Variants in TVP23C observed in about 807,000 individuals in gnomAD.
TVP23C encodes Golgi apparatus membrane protein TVP23 homolog C.
A neutral mutation model predicts 28.7 loss-of-function variants in TVP23C; 19 were observed. The ratio of observed to expected loss-of-function variants is 0.66; its 90% confidence interval spans 0.46 to 0.97. TVP23C has a LOEUF of 0.97. Among genes scored for constraint, TVP23C ranks in the 50% least tolerant of loss-of-function variants. The probability of loss-of-function intolerance (pLI) is 0.00; values close to 1 mark genes in which losing one functional copy is unlikely to be tolerated. For synonymous variants in TVP23C, 68 were observed against 81.7 expected (o/e 0.83, Z 0.90); for missense variants, 186 against 241.3 (o/e 0.77, Z 1.52).
chr17:15,531,506 C>T (rs56218912), intron 5 of TVP23C, among the ~76,000 whole-genome samples: 1 of 151,642 alleles, frequency 6.6e-6, no homozygotes, highest in Admixed American at 6.6e-5. Flanking sequence ...TTCTGTTCCT[C>T]GGACTGGATA....
intron 5 of TVP23C, among the ~76,000 whole-genome samples, chr17:15,509,676 A>T (rs1315025281): frequency 1.3e-5 from 2 of 152,196 alleles, no homozygotes; most frequent in Non-Finnish European, 2.9e-5. Flanking sequence ...GCAGTGAGCC[A>T]TGATTGTGCC....
At chr17:15,510,815 T>C (rs1043752774) in intron 5 of TVP23C, among the ~76,000 whole-genome samples, 8 of 151,720 alleles carry the variant, frequency 5.3e-5, no homozygotes, top group Admixed American at 2.0e-4. Context: ...TCCCAGCACG[T>C]TGGGAGGCCG....
At chr17:15,536,447 AC>A (rs1173438287), downstream of TVP23C, among the ~76,000 whole-genome samples, 1 of 152,218 alleles carries the variant, frequency 6.6e-6, no homozygotes, top group Non-Finnish European at 1.5e-5. Flanking sequence ...ACACCAAGAT[AC>A]AGCAATAAAA....
downstream of TVP23C, among the ~76,000 whole-genome samples, chr17:15,533,115 T>C (rs1184601859): frequency 6.6e-6 from 1 of 152,212 alleles, no homozygotes; most frequent in Non-Finnish European, 1.5e-5. Context: ...TCAGAAATAT[T>C]TTTAAACATG....
rs562869775 is a variant in TVP23C at position 15,538,297 on chromosome 17, G to C, written c.*2115C>G. ...TACAATGGCCCAATCACATTAAAAAGTAGACATGCTAGGCTGGGCGCCGTG... is the reference window on the plus strand; with the variant it reads ...TACAATGGCCCAATCACATTAAAAACTAGACATGCTAGGCTGGGCGCCGTG... On this transcript the variant is annotated 3_prime_UTR_variant, in exon 6 of 6. Transcript: ENST00000518321. 3 of 1,457,290 alleles carry C rather than the reference G, an allele frequency of 2.1e-6. No individual in the cohort carries two copies. Among genetic ancestry groups the C allele is most frequent in the South Asian group, 3.0e-5 (2 of 66,864 alleles). The allele number at this position is 1,457,290 out of a possible 1,614,324, so 90.3% of individuals were successfully genotyped here. A position where few individuals can be genotyped will look rare whatever the true frequency, so the allele number is the denominator to read the frequency against.
At chr17:15,556,318 T>G (rs923855236) in intron 1 of TVP23C, among the ~76,000 whole-genome samples, 2 of 151,782 alleles carry the variant, frequency 1.3e-5, no homozygotes, top group Non-Finnish European at 2.9e-5. Context: ...GAATCTCCTC[T>G]TCAATCCTCT....
chr17:15,538,802 G>C lies in TVP23C; in HGVS notation c.*1610C>G. On this transcript the variant is annotated 3_prime_UTR_variant, in exon 6 of 6. Transcript: ENST00000518321. ...CTTCAGAAACACTGAAAATTCTAAC[G>C]AAAAAAACCTAATAAGCACATACAT... 3 of 985,044 alleles carry C rather than the reference G, an allele frequency of 3.0e-6. No homozygotes were observed. Among genetic ancestry groups the C allele is most frequent in the Non-Finnish European group, 2.4e-6 (2 of 829,838 alleles). The allele number at this position is 985,044 out of a possible 1,614,324, so 61.0% of individuals were successfully genotyped here.
chr17:15,552,433 G>A lies in TVP23C; in HGVS notation c.240+1252C>T, dbSNP rs181593364. Among the ~76,000 whole-genome samples, 14 of 152,328 alleles carry A rather than the reference G, an allele frequency of 9.2e-5. No individual in the cohort carries two copies. In the East Asian group the frequency reaches 2.7e-3, roughly 29 times the overall value. ...GCAGTGGCTCACGCCTGTAATCCCAGCACTTTGGGAGGCTGAGGCGGGCAG... is the reference window on the plus strand; with the variant it reads ...GCAGTGGCTCACGCCTGTAATCCCAACACTTTGGGAGGCTGAGGCGGGCAG... On this transcript the variant is annotated intron_variant, in intron 3 of 5. Coordinates refer to ENST00000518321, the MANE Select transcript of TVP23C (RefSeq NM_001135036.2).
In TVP23C at chr17:15,556,285, AT is replaced by A. The variant is rs534410981; in HGVS notation, c.13-922del. 4.9e-3 allele frequency among the ~76,000 whole-genome samples: 735 copies of A among 151,246 alleles called. 5 individuals carry two copies. The highest frequency in any genetic ancestry group is 7.2e-3 in the Non-Finnish European group (487 of 67,830). On this transcript the variant is annotated intron_variant, in intron 1 of 5. Transcript: ENST00000518321. ...AAGGCCACTTATTAGGCAAAAAAAGATTTTTTTAAGAACCCTGATCCTGAAT... is the reference window on the plus strand; with the variant it reads ...AAGGCCACTTATTAGGCAAAAAAAGATTTTTTAAGAACCCTGATCCTGAAT...
At chr17:15,523,423 G>A (rs1337602723) in intron 5 of TVP23C, among the ~76,000 whole-genome samples, 3 of 151,654 alleles carry the variant, frequency 2.0e-5, no homozygotes, top group Admixed American at 6.6e-5. Context: ...CGATTCTCCC[G>A]CCTCAGCCTC....
chr17:15,542,277 G>A (rs536664179), intron 5 of TVP23C, among the ~76,000 whole-genome samples: 1 of 152,252 alleles, frequency 6.6e-6, no homozygotes, highest in East Asian at 1.9e-4. Context: ...CAAACAGGCA[G>A]GAAAATCCCT....
chr17:15,546,303 T>C (rs1448954786), intron 4 of TVP23C, among the ~76,000 whole-genome samples: 1 of 151,690 alleles, frequency 6.6e-6, no homozygotes, highest in African/African-American at 2.4e-5. Context: ...CAAATTAGGG[T>C]CCAGAGGGGA....
chr17:15,540,350 G>C lies in TVP23C; in HGVS notation c.*62C>G. 6.9e-7 allele frequency: 1 copy of C among 1,453,968 alleles called. No homozygotes were observed. The highest frequency in any genetic ancestry group is 9.2e-7 in the Non-Finnish European group (1 of 1,084,224). The allele number at this position is 1,453,968 out of a possible 1,614,324, so 90.1% of individuals were successfully genotyped here. On this transcript the variant is annotated 3_prime_UTR_variant, in exon 6 of 6. Transcript: ENST00000518321. ...ACAACTATATGCCTTTAAAACTTCT[G>C]TTCAGGAGCGTTTCATAAAAATTAA... is the stretch of plus-strand genomic sequence containing the variant.
chr17:15,548,069 A>C (rs931264281), intron 3 of TVP23C, among the ~76,000 whole-genome samples: 5 of 152,146 alleles, frequency 3.3e-5, no homozygotes, highest in Non-Finnish European at 7.4e-5. Context: ...GGTAAAATTA[A>C]AAACACCCTG....
chr17:15,526,679 T>C (rs1179259194), intron 5 of TVP23C, among the ~76,000 whole-genome samples: 4 of 152,186 alleles, frequency 2.6e-5, no homozygotes, highest in Admixed American at 2.0e-4. Context: ...CCAGTATGCG[T>C]TGGTTTCATT....
At position 15,538,157 on chromosome 17, in the gene TVP23C, C is replaced by T; in HGVS notation, c.*2255G>A. 5.0e-6 allele frequency: 8 copies of T among 1,613,406 alleles called. No individual in the cohort carries two copies. The highest frequency in any genetic ancestry group is 6.8e-6 in the Non-Finnish European group (8 of 1,179,758). On this transcript the variant is annotated 3_prime_UTR_variant, in exon 6 of 6. Transcript: ENST00000518321. The stretch of plus-strand genomic sequence containing the variant: ...AAGTCTGATCATCTCCAGTGTTCCG[C>T]AAAAGACAAAAAAAGAACTCCTTAA...
downstream of TVP23C, among the ~76,000 whole-genome samples, chr17:15,536,070 A>T (rs945236012): frequency 6.6e-6 from 1 of 152,016 alleles, no homozygotes; most frequent in African/African-American, 2.4e-5. Context: ...CAGGCTGGTA[A>T]TCCCAGCTAC....
At chr17:15,513,398 T>C (rs1160091600) in intron 5 of TVP23C, among the ~76,000 whole-genome samples, 1 of 152,246 alleles carries the variant, frequency 6.6e-6, no homozygotes, top group Admixed American at 6.5e-5. Flanking sequence ...ATTTCTTCTT[T>C]AAAACAGTTA....
chr17:15,518,407 C>T (rs1982326672), intron 5 of TVP23C, among the ~76,000 whole-genome samples: 1 of 152,154 alleles, frequency 6.6e-6, no homozygotes, highest in Non-Finnish European at 1.5e-5. Context: ...CCCTAGCATT[C>T]AGGGGCCCAA....
Sources: gnomAD v4.1 joint callset for allele counts (sites outside exome capture counted in the v4.1 genomes callset) on GRCh38, gnomAD v4.1.1 for gene constraint, MANE v1.5 for transcripts, NCBI Gene and HGNC (gene_info 2026-07-23, HGNC 2026-07-21) for gene names.